Variants in CNTNAP4 observed in about 807,000 individuals in gnomAD.
CNTNAP4 encodes the protein contactin-associated protein-like 4.
CNTNAP4 carries 98 observed loss-of-function variants against 148.4 expected under a neutral mutation model. The ratio of observed to expected loss-of-function variants is 0.66; its 90% CI spans 0.56 to 0.78. The LOEUF (loss-of-function observed/expected upper bound fraction) is 0.78, where lower values mean the gene tolerates loss of function less well. Ranked by LOEUF, CNTNAP4 falls within the 30% of genes least tolerant of loss-of-function variation. CNTNAP4 has a pLI of 0.00. For missense variants in CNTNAP4, 1,935 were observed against 1,565.6 expected (o/e 1.24, Z -3.98); for synonymous variants, 730 against 565.1 (o/e 1.29, Z -4.14).
intron 1 of CNTNAP4, among the ~76,000 whole-genome samples, chr16:76,301,022 T>G (rs1959906459): frequency 6.6e-6 from 1 of 152,234 alleles, no homozygotes; most frequent in South Asian, 2.1e-4. Context: ...CTTGGTCAGT[T>G]TAACAGTATT....
At chr16:76,404,432 TCACACACA>T (rs1207902411) in intron 3 of CNTNAP4, among the ~76,000 whole-genome samples, 7 of 151,234 alleles carry the variant, frequency 4.6e-5, no homozygotes, top group Non-Finnish European at 1.0e-4. Flanking sequence ...AGCAATGCTA[TCACACACA>T]CACAGACACA....
rs1285610400 is a variant in CNTNAP4 at position 76,553,849 on chromosome 16, A to T, written c.3675A>T (p.Thr1225=). 1.2e-6 allele frequency: 2 copies of T among 1,611,332 alleles called. No individual in the cohort carries two copies. The highest frequency in any genetic ancestry group is 1.7e-6 in the Non-Finnish European group (2 of 1,177,834). Residue 1225 remains threonine, a synonymous_variant, in exon 23 of 24, where the codon ACA becomes ACT. Transcript: ENST00000611870. ...RTHSFADHSG[T]IDDREPLANA... Reference sequence around the variant, plus strand: ...CTTTAACTGCAGATCATTCTGGAACAATAGATGACAGAGAGCCCCTTGCTA... The same window carrying T: ...CTTTAACTGCAGATCATTCTGGAACTATAGATGACAGAGAGCCCCTTGCTA...
At chr16:76,444,230 A>C (rs964865345) in intron 4 of CNTNAP4, among the ~76,000 whole-genome samples, 1 of 152,116 alleles carries the variant, frequency 6.6e-6, no homozygotes, top group Non-Finnish European at 1.5e-5. Flanking sequence ...GACAGAAGCA[A>C]TTTGCATCTC....
At chr16:76,285,624 G>A (rs1467497895) in intron 1 of CNTNAP4, among the ~76,000 whole-genome samples, 1 of 151,956 alleles carries the variant, frequency 6.6e-6, no homozygotes, top group African/African-American at 2.4e-5. Context: ...TGGGGTCATA[G>A]GTTGATATTA....
Position 76,522,306 on chromosome 16 carries a change from A to G in CNTNAP4, c.2755+49A>G, listed in dbSNP as rs773868648. ...ATTTTATTGTATGATATGTGTTCAG[A>G]AATGGCCCAAGATAAAATAATACCA... On this transcript the variant is annotated intron_variant, in intron 17 of 23. Coordinates refer to ENST00000611870, the MANE Select transcript of CNTNAP4 (RefSeq NM_033401.5). 6.0e-6 allele frequency: 9 copies of G among 1,491,078 alleles called. No individual in the cohort carries two copies. In the African/African-American group the frequency reaches 1.1e-4, roughly 18 times the overall value. 92.4% of individuals were successfully genotyped at this position (1,491,078 alleles called of 1,614,324 possible). A position where few individuals can be genotyped will look rare whatever the true frequency, so the allele number is the denominator to read the frequency against.
intron 19 of CNTNAP4, among the ~76,000 whole-genome samples, chr16:76,538,641 A>G (rs959179223): frequency 1.3e-5 from 2 of 152,072 alleles, no homozygotes; most frequent in African/African-American, 4.8e-5. Flanking sequence ...CCATATGGCT[A>G]TCAATATTTG....
chr16:76,510,669 C>G (rs1040323567), intron 15 of CNTNAP4, among the ~76,000 whole-genome samples: 7 of 152,038 alleles, frequency 4.6e-5, no homozygotes, highest in African/African-American at 1.7e-4. Flanking sequence ...TTCTAAATGT[C>G]TTTTTAGTTG....
At chr16:76,490,716 G>T (rs1044817527) in intron 13 of CNTNAP4, among the ~76,000 whole-genome samples, 1 of 152,114 alleles carries the variant, frequency 6.6e-6, no homozygotes, top group Non-Finnish European at 1.5e-5. Flanking sequence ...CCTTTCTGTT[G>T]TTTGTCTGTC....
intron 3 of CNTNAP4, among the ~76,000 whole-genome samples, chr16:76,426,330 C>T (rs1294052569): frequency 6.6e-6 from 1 of 152,106 alleles, no homozygotes; most frequent in African/African-American, 2.4e-5. Context: ...TTTATCTTTG[C>T]CTTGTGCAGT....
intron 1 of CNTNAP4, among the ~76,000 whole-genome samples, chr16:76,306,772 TAAG>T (rs1191565928): frequency 6.6e-6 from 1 of 152,304 alleles, no homozygotes; most frequent in East Asian, 1.9e-4. Context: ...TTGGGAGGTA[TAAG>T]AAGAAGGGAT....
chr16:76,286,574 T>C (rs1021163108), intron 1 of CNTNAP4, among the ~76,000 whole-genome samples: 1 of 152,150 alleles, frequency 6.6e-6, no homozygotes, highest in African/African-American at 2.4e-5. Flanking sequence ...TTTCTGAACC[T>C]AGCAATGAAG....
intron 23 of CNTNAP4, among the ~76,000 whole-genome samples, chr16:76,554,456 A>G (rs142757448): frequency 1.3e-5 from 2 of 152,304 alleles, no homozygotes; most frequent in African/African-American, 2.4e-5. Context: ...AGATTAATGA[A>G]CTAAAAGTGA....
At chr16:76,374,195 G>C (rs1168620391) in intron 3 of CNTNAP4, among the ~76,000 whole-genome samples, 1 of 152,088 alleles carries the variant, frequency 6.6e-6, no homozygotes, top group African/African-American at 2.4e-5. Flanking sequence ...AAAATTGCTG[G>C]AGCAGTGAAA....
At chr16:76,350,545 G>T (rs1334852531) in intron 2 of CNTNAP4, among the ~76,000 whole-genome samples, 1 of 152,116 alleles carries the variant, frequency 6.6e-6, no homozygotes, top group Non-Finnish European at 1.5e-5. Flanking sequence ...GTTGAAAAGT[G>T]GTAGGCAACA....
chr16:76,502,520 A>C (rs1244791192), intron 15 of CNTNAP4, among the ~76,000 whole-genome samples: 1 of 152,142 alleles, frequency 6.6e-6, no homozygotes, highest in Non-Finnish European at 1.5e-5. Context: ...TGAATAATTT[A>C]AGACTGAGAA....
rs527457477 is a variant in CNTNAP4, at chr16:76,478,191, G to A, written c.1763-1228G>A. 1.1e-4 allele frequency among the ~76,000 whole-genome samples: 17 copies of A among 152,236 alleles called. No homozygotes were observed. The East Asian group carries it at 2.7e-3, about 24-fold the overall frequency. On this transcript the variant is annotated intron_variant, in intron 11 of 23. Transcript: ENST00000611870. ...ATACACATAAATCAGAAGTCCTTCCGAGTAGTCTCATCCAATCCTTTTCCA... is the reference window on the plus strand; with the variant it reads ...ATACACATAAATCAGAAGTCCTTCCAAGTAGTCTCATCCAATCCTTTTCCA...
intron 18 of CNTNAP4, among the ~76,000 whole-genome samples, chr16:76,536,813 T>G (rs1183042924): frequency 6.6e-6 from 1 of 152,144 alleles, no homozygotes; most frequent in African/African-American, 2.4e-5. Context: ...ATACAAACAT[T>G]TATTACTCTT....
At chr16:76,545,236 G>A (rs1478749505) in intron 21 of CNTNAP4, among the ~76,000 whole-genome samples, 2 of 152,220 alleles carry the variant, frequency 1.3e-5, no homozygotes, top group East Asian at 3.9e-4. Context: ...TCAGTGCGTA[G>A]CATGACTTTC....
chr16:76,418,351 C>G (rs200938565), intron 3 of CNTNAP4, among the ~76,000 whole-genome samples: 2 of 60,434 alleles, frequency 3.3e-5, no homozygotes, highest in South Asian at 4.2e-4. Flanking sequence ...CTTTTTTTTT[C>G]TTTGTCTATT....
Sources: allele counts gnomAD v4.1 joint callset (sites outside exome capture counted in the v4.1 genomes callset), GRCh38; gene constraint gnomAD v4.1.1; transcripts MANE v1.5; gene names NCBI Gene and HGNC (gene_info 2026-07-23, HGNC 2026-07-21).